The following SGCZ variants were observed in gnomAD, a reference collection of about 807,000 sequenced individuals.
SGCZ encodes the protein sarcoglycan zeta.
SGCZ carries 40 observed loss-of-function variants against 41.3 expected under a neutral mutation model. The ratio of observed to expected loss-of-function variants is 0.97; its 90% confidence interval spans 0.75 to 1.26. The LOEUF is 1.26. SGCZ is among the 50% of genes most tolerant of loss of function. The pLI is 0.00. For missense variants in SGCZ, 552 were observed against 369.8 expected, an observed-to-expected ratio of 1.49 and a Z score of -4.04; for synonymous variants, 206 against 137.5, an observed-to-expected ratio of 1.50 and a Z score of -3.49.
intron 3 of SGCZ, among the ~76,000 whole-genome samples, chr8:14,297,699 A>T (rs1053285073): frequency 1.3e-5 from 2 of 152,112 alleles, no homozygotes; most frequent in African/African-American, 4.8e-5. Flanking sequence ...CTACATAAAA[A>T]GCAATAGAAC....
intron 2 of SGCZ, among the ~76,000 whole-genome samples, chr8:14,380,760 G>A (rs757733140): frequency 1.4e-4 from 21 of 152,150 alleles, no homozygotes; most frequent in African/African-American, 4.3e-4. Flanking sequence ...TTGGAAGGCC[G>A]AGGTAGGAGA....
At chr8:14,517,184 A>T (rs1173034907) in intron 2 of SGCZ, among the ~76,000 whole-genome samples, 1 of 151,790 alleles carries the variant, frequency 6.6e-6, no homozygotes, top group Non-Finnish European at 1.5e-5. Context: ...TGAGGGGATG[A>T]TGGCGCTTGG....
At chr8:14,783,981 G>A (rs1400268586) in intron 1 of SGCZ, among the ~76,000 whole-genome samples, 1 of 151,894 alleles carries the variant, frequency 6.6e-6, no homozygotes, top group African/African-American at 2.4e-5. Flanking sequence ...TTTCACATAT[G>A]AGAGTTCTTA....
chr8:15,046,534 G>A (rs7822784), intron 1 of SGCZ, among the ~76,000 whole-genome samples: 51,983 of 151,612 alleles, frequency 0.34, 8,955 homozygotes, highest in East Asian at 0.48. Context: ...CTATGTTCCC[G>A]TCATTCTTTG....
chr8:14,621,411 A>C (rs949037322), intron 1 of SGCZ, among the ~76,000 whole-genome samples: 1 of 152,120 alleles, frequency 6.6e-6, no homozygotes, highest in African/African-American at 2.4e-5. Context: ...CGTTGTGCAC[A>C]TGTACCATAG....
intron 1 of SGCZ, among the ~76,000 whole-genome samples, chr8:14,921,838 G>T (rs1008572018): frequency 6.6e-6 from 1 of 151,986 alleles, no homozygotes; most frequent in African/African-American, 2.4e-5. Flanking sequence ...GAAAAGTAAG[G>T]GATGGTGTGA....
rs1213051039 is a variant in SGCZ at position 14,402,600 on chromosome 8, G to C, written c.235-78396C>G. Among the ~76,000 whole-genome samples, 3 of 142,858 alleles carry C rather than the reference G, an allele frequency of 2.1e-5. No individual in the cohort carries two copies. In the South Asian group the frequency reaches 6.4e-4, roughly 31 times the overall value. The allele number at this position is 142,858 out of a possible 152,430, so 93.7% of individuals were successfully genotyped here. A position where few individuals can be genotyped will look rare whatever the true frequency, so the allele number is the denominator to read the frequency against. ...GTTTGTCAAAGATCAGATAGTTGTA[G>C]ATATGTGGCGTTATTTCTGAGGGCT... is the stretch of plus-strand genomic sequence containing the variant. On this transcript the variant is annotated intron_variant, in intron 2 of 7. Coordinates refer to ENST00000382080, the MANE Select transcript of SGCZ (RefSeq NM_139167.4).
chr8:14,776,864 T>C (rs970245623), intron 1 of SGCZ, among the ~76,000 whole-genome samples: 1 of 152,208 alleles, frequency 6.6e-6, no homozygotes, highest in Non-Finnish European at 1.5e-5. Context: ...GTTAAAATAC[T>C]GAAATAAATT....
chr8:14,768,598 G>C (rs1309733586), intron 1 of SGCZ, among the ~76,000 whole-genome samples: 3 of 151,988 alleles, frequency 2.0e-5, no homozygotes, highest in Non-Finnish European at 4.4e-5. Context: ...TGGCCTCATG[G>C]GCCTGCATCC....
chr8:14,307,124 T>A (rs997437714), intron 3 of SGCZ, among the ~76,000 whole-genome samples: 2 of 152,166 alleles, frequency 1.3e-5, no homozygotes, highest in African/African-American at 4.8e-5. Context: ...ACTTAAGTGA[T>A]CATAACAAGA....
intron 1 of SGCZ, among the ~76,000 whole-genome samples, chr8:15,048,933 G>C (rs1010545949): frequency 6.6e-6 from 1 of 151,964 alleles, no homozygotes; most frequent in Non-Finnish European, 1.5e-5. Context: ...AATAATTTTT[G>C]CTATCCCAAA....
intron 1 of SGCZ, among the ~76,000 whole-genome samples, chr8:15,210,771 C>G (rs915206646): frequency 1.3e-5 from 2 of 152,104 alleles, no homozygotes; most frequent in African/African-American, 4.8e-5. Flanking sequence ...TCCTCTAGCT[C>G]TTAAAATCTA....
intron 1 of SGCZ, among the ~76,000 whole-genome samples, chr8:14,699,228 T>C (rs944088085): frequency 1.3e-5 from 2 of 149,528 alleles, no homozygotes; most frequent in African/African-American, 4.9e-5. Context: ...AATATATAAA[T>C]CTCATATATA....
At chr8:14,642,858 G>A (rs745893922) in intron 1 of SGCZ, among the ~76,000 whole-genome samples, 5 of 151,528 alleles carry the variant, frequency 3.3e-5, no homozygotes, top group African/African-American at 1.2e-4. Context: ...GTATTGGAAA[G>A]CATAGGGCAA....
At chr8:15,111,668 G>T (rs1011904893) in intron 1 of SGCZ, among the ~76,000 whole-genome samples, 1 of 152,138 alleles carries the variant, frequency 6.6e-6, no homozygotes, top group East Asian at 1.9e-4. Flanking sequence ...TTGGGAGGCC[G>T]AGGTGGGCGG....
intron 1 of SGCZ, among the ~76,000 whole-genome samples, chr8:15,109,824 A>G (rs1378171107): frequency 6.6e-6 from 1 of 152,210 alleles, no homozygotes; most frequent in African/African-American, 2.4e-5. Flanking sequence ...AGAAATAGAT[A>G]TGGTTACTCT....
intron 3 of SGCZ, among the ~76,000 whole-genome samples, chr8:14,298,725 T>C (rs1049060165): frequency 1.6e-4 from 24 of 152,070 alleles, no homozygotes; most frequent in African/African-American, 5.8e-4. Context: ...GTCAATGTAT[T>C]GGATGACAAA....
rs373456063 is a variant in SGCZ at position 14,371,509 on chromosome 8, G to C, written c.235-47305C>G. Among the ~76,000 whole-genome samples, 150 of 141,998 alleles carry C rather than the reference G, an allele frequency of 1.1e-3. 2 individuals carry two copies. The South Asian group carries it at 0.032, about 30-fold the overall frequency. 93.2% of individuals were successfully genotyped at this position (141,998 alleles called of 152,430 possible). ...CCACACTAATTTTATCCTAAATTTC[G>C]TATGTAAATATAAAAAAAAGTGTTT... On this transcript the variant is annotated intron_variant, in intron 2 of 7. Coordinates refer to ENST00000382080, the MANE Select transcript of SGCZ (RefSeq NM_139167.4).
chr8:14,650,533 T>C (rs1295665998), intron 1 of SGCZ, among the ~76,000 whole-genome samples: 1 of 151,930 alleles, frequency 6.6e-6, no homozygotes, highest in African/African-American at 2.4e-5. Flanking sequence ...TAGGCCCCAG[T>C]GTCTGCTGTT....
Sources: gnomAD v4.1 joint callset for allele counts (sites outside exome capture counted in the v4.1 genomes callset) on GRCh38, gnomAD v4.1.1 for gene constraint, MANE v1.5 for transcripts, NCBI Gene and HGNC (gene_info 2026-07-23, HGNC 2026-07-21) for gene names.